The following RBM19 variants were observed in gnomAD, a reference collection of about 807,000 sequenced individuals.
RBM19 encodes probable RNA-binding protein 19.
RBM19 carries 94 observed loss-of-function variants against 116.8 expected under a neutral mutation model. That is an observed-to-expected ratio of 0.80 (90% CI 0.68 to 0.95). The LOEUF (loss-of-function observed/expected upper bound fraction) is 0.95, where lower values mean the gene tolerates loss of function less well. Ranked by LOEUF, RBM19 falls within the 40% of genes least tolerant of loss-of-function variation. RBM19 has a pLI of 0.00. For synonymous variants in RBM19, 475 were observed against 494.1 expected, an observed-to-expected ratio of 0.96 and a Z score of 0.51; for missense variants, 1,161 against 1,220.7, an observed-to-expected ratio of 0.95 and a Z score of 0.73.
intron 21 of RBM19, among the ~76,000 whole-genome samples, chr12:113,886,425 G>A (rs1198193185): frequency 5.9e-5 from 9 of 152,184 alleles, no homozygotes; most frequent in African/African-American, 1.7e-4. Context: ...AAGCCACCGC[G>A]ACTGGCCAGC....
rs1306383182 is a variant in RBM19 at position 113,837,460 on chromosome 12, TTTG to T, written c.2785+7205_2785+7207del. The stretch of plus-strand genomic sequence containing the variant: ...ACCATGAGGCCCCTCAACAATCCTA[TTTG>T]TTGACTGCACGTGATGTGCCAGGAG... On this transcript the variant is annotated intron_variant, in intron 23 of 23. Transcript: ENST00000261741. Among the ~76,000 whole-genome samples the T allele has an allele frequency of 2.0e-5, 3 of 152,284 alleles. No homozygotes were observed. In the East Asian group the frequency reaches 5.8e-4, roughly 29 times the overall value.
At chr12:113,953,356 C>G (rs910494806) in intron 7 of RBM19, among the ~76,000 whole-genome samples, 1 of 152,150 alleles carries the variant, frequency 6.6e-6, no homozygotes, top group Non-Finnish European at 1.5e-5. Context: ...GACATGGTGA[C>G]AGGTGCCTGT....
intron 4 of RBM19, 93 bp downstream of exon 4, chr12:113,959,772 T>G (rs542877192): frequency 6.8e-7 from 1 of 1,470,832 alleles, no homozygotes; most frequent in South Asian, 1.2e-5. Context: ...TCTCCTAGCC[T>G]CCACCCTCTC....
intron 23 of RBM19, among the ~76,000 whole-genome samples, chr12:113,837,343 G>C (rs1050407205): frequency 1.3e-5 from 2 of 151,600 alleles, no homozygotes; most frequent in Non-Finnish European, 2.9e-5. Context: ...TTTGCCCAGA[G>C]AGCATCCTCC....
In RBM19 at chr12:113,822,944, C is replaced by G. The variant is rs756048439; in HGVS notation, c.*280G>C. ...GCTGTTCCCAAGTCTCTCTTCCTAACGTGGCTGCTCCCTTGGACTCTTCCG... is the reference window on the plus strand; with the variant it reads ...GCTGTTCCCAAGTCTCTCTTCCTAAGGTGGCTGCTCCCTTGGACTCTTCCG... On this transcript the variant is annotated 3_prime_UTR_variant, in exon 24 of 24. Transcript: ENST00000261741. The G allele has an allele frequency of 1.4e-5, 5 of 366,268 alleles. No individual in the cohort carries two copies. Among genetic ancestry groups the G allele is most frequent in the African/African-American group, 1.1e-4 (5 of 47,350 alleles). The allele number at this position is 366,268 out of a possible 1,614,324, so 22.7% of individuals were successfully genotyped here.
At chr12:113,887,257 G>A (rs984212109) in intron 21 of RBM19, among the ~76,000 whole-genome samples, 2 of 152,082 alleles carry the variant, frequency 1.3e-5, no homozygotes, top group African/African-American at 4.8e-5. Flanking sequence ...GGCCCTTTAT[G>A]GATAAATTTG....
In RBM19 at chr12:113,903,628, G is replaced by T. The variant is rs959092531; in HGVS notation, c.2558+11341C>A. Among the ~76,000 whole-genome samples, 2 of 152,198 alleles carry T rather than the reference G, an allele frequency of 1.3e-5. No homozygotes were observed. Among genetic ancestry groups the T allele is most frequent in the Non-Finnish European group, 2.9e-5 (2 of 68,038 alleles). ...TTCTCTGCATCATTGTCAGCATTTTGTGTCACCACTATTTTTTATTTTAGC... is the reference window on the plus strand; with the variant it reads ...TTCTCTGCATCATTGTCAGCATTTTTTGTCACCACTATTTTTTATTTTAGC... On this transcript the variant is annotated intron_variant, in intron 21 of 23. Coordinates refer to ENST00000261741, the MANE Select transcript of RBM19 (RefSeq NM_016196.4). This position sits in a 1 kb window ranked among gnomAD's most constrained non-coding sequence, Gnocchi z 5.1.
At chr12:113,929,253 A>G (rs912792492) in intron 16 of RBM19, among the ~76,000 whole-genome samples, 8 of 152,208 alleles carry the variant, frequency 5.3e-5, no homozygotes, top group African/African-American at 1.9e-4. Flanking sequence ...TGCAAGCCTA[A>G]TGCTTTCAAG....
chr12:113,912,188 C>T (rs1882471195), intron 21 of RBM19, among the ~76,000 whole-genome samples: 1 of 152,212 alleles, frequency 6.6e-6, no homozygotes, highest in African/African-American at 2.4e-5. Context: ...GCCTTCTCTC[C>T]CCTCCAGCAG....
At chr12:113,946,721 C>T (rs1017154154) in intron 11 of RBM19, among the ~76,000 whole-genome samples, 1 of 152,204 alleles carries the variant, frequency 6.6e-6, no homozygotes, top group African/African-American at 2.4e-5. Flanking sequence ...TAACCCCGCA[C>T]CCGCAGCCCT....
intron 15 of RBM19, 27 bp from the exon 16 acceptor site, chr12:113,937,163 T>C (rs745385212): frequency 2.4e-5 from 39 of 1,612,852 alleles, no homozygotes; most frequent in Non-Finnish European, 3.1e-5. Context: ...GATGGCCCTG[T>C]GGGTCTTCAT....
chr12:113,918,540 A>C, intron 19 of RBM19, 93 bp from the exon 20 acceptor site: 3 of 1,365,344 alleles, frequency 2.2e-6, no homozygotes, highest in Non-Finnish European at 3.1e-6. Flanking sequence ...TGGCTCGCAG[A>C]TGGGAGCCTG....
chr12:113,872,933 G>A (rs1593515447), intron 21 of RBM19, among the ~76,000 whole-genome samples: 31 of 91,014 alleles, frequency 3.4e-4, no homozygotes, highest in East Asian at 4.7e-4. Context: ...AGGTGGGGGG[G>A]GTCAGCCCCC....
At chr12:113,947,787 A>T (rs1348721552) in intron 10 of RBM19, among the ~76,000 whole-genome samples, 2 of 152,244 alleles carry the variant, frequency 1.3e-5, no homozygotes, top group African/African-American at 2.4e-5. Flanking sequence ...TGCTAGAGTT[A>T]GTGCCAAAGA....
rs749865970 is a variant in RBM19, at chr12:113,858,853, T to G, written c.2602A>C (p.Thr868Pro). 3 of 1,614,126 alleles carry G rather than the reference T, an allele frequency of 1.9e-6. No homozygotes were observed. The Admixed American group carries it at 5.0e-5, about 27-fold the overall frequency. The change falls in exon 22 of 24, where the codon ACT (threonine) becomes CCT (proline). Residue 868 changes from threonine to proline, a missense_variant. Thr to Pro is a conservative substitution (Grantham distance 38). Coordinates refer to ENST00000261741, the MANE Select transcript of RBM19 (RefSeq NM_016196.4). ...AAGCCTCTGTGTGTGCCTGTCCCAG[T>G]CATCTTCTTTGGCAGGCGGACCGTC... ...LKTVRLPKKM[T>P]GTGTHRGFGF...
At chr12:113,921,026 C>T (rs1465419865) in intron 18 of RBM19, among the ~76,000 whole-genome samples, 3 of 152,208 alleles carry the variant, frequency 2.0e-5, no homozygotes, top group African/African-American at 7.2e-5. Context: ...AAAACCTCTA[C>T]CTGGGCAGTC....
intron 21 of RBM19, among the ~76,000 whole-genome samples, chr12:113,888,892 A>G (rs1473381703): frequency 6.6e-6 from 1 of 152,238 alleles, no homozygotes. Context: ...AAATATAGAT[A>G]GAAATAAAGG....
At chr12:113,965,142 G>A (rs974666053) in intron 1 of RBM19, among the ~76,000 whole-genome samples, 35 of 151,670 alleles carry the variant, frequency 2.3e-4, no homozygotes, top group African/African-American at 8.2e-4. Context: ...GCTTGGTGGC[G>A]CGTGTCTGTA....
chr12:113,920,074 C>T (rs1868395807), intron 19 of RBM19, among the ~76,000 whole-genome samples: 1 of 152,158 alleles, frequency 6.6e-6, no homozygotes, highest in Non-Finnish European at 1.5e-5. Flanking sequence ...AAGCTCATTC[C>T]CACCTTATGG....
Sources: gnomAD v4.1 joint callset for allele counts (sites outside exome capture counted in the v4.1 genomes callset) on GRCh38, gnomAD v4.1.1 for gene constraint, Gnocchi (gnomAD v3.1) non-coding constraint, MANE v1.5 for transcripts, NCBI Gene and HGNC (gene_info 2026-07-23, HGNC 2026-07-21) for gene names.